The following MAP4K3 variants were observed in gnomAD, a reference collection of about 807,000 sequenced individuals.
MAP4K3 encodes the protein MAPK/ERK kinase kinase kinase 3.
A neutral mutation model predicts 143.5 loss-of-function variants in MAP4K3; 94 were observed. That is an observed-to-expected ratio of 0.65 (90% CI 0.55 to 0.78). MAP4K3 has a LOEUF of 0.78. Ranked by LOEUF, MAP4K3 falls within the 30% of genes least tolerant of loss-of-function variation. The probability of loss-of-function intolerance (pLI) is 0.00; values close to 1 mark genes in which losing one functional copy is unlikely to be tolerated. For missense variants in MAP4K3, 1,077 were observed against 1,068.1 expected (o/e 1.01, Z -0.12); for synonymous variants, 416 against 347.2 (o/e 1.20, Z -2.20).
intron 4 of MAP4K3, among the ~76,000 whole-genome samples, chr2:39,338,506 G>A (rs1176432302): frequency 6.6e-6 from 1 of 152,036 alleles, no homozygotes; most frequent in Non-Finnish European, 1.5e-5. Flanking sequence ...TATTTTAAAC[G>A]GACATTTTAT....
Position 39,322,812 on chromosome 2 carries a change from C to T in MAP4K3, c.918+2706G>A, listed in dbSNP as rs141827318. On this transcript the variant is annotated intron_variant, in intron 12 of 33. Transcript: ENST00000263881. ...AGCCCCCTGAATAGCTGGGATTACA[C>T]GCATGAGCCACCATGCCCGGCTAAT... Among the ~76,000 whole-genome samples the T allele has an allele frequency of 1.2e-3, 183 of 151,642 alleles. 3 individuals carry two copies. In the South Asian group the frequency reaches 0.017, roughly 14 times the overall value.
intron 1 of MAP4K3, among the ~76,000 whole-genome samples, chr2:39,410,041 C>T (rs1275852632): frequency 1.3e-5 from 2 of 152,180 alleles, no homozygotes; most frequent in Non-Finnish European, 1.5e-5. Context: ...TATGATTATG[C>T]CCAACATTTG....
intron 28 of MAP4K3, chr2:39,261,066 AC>A (rs1199442437): frequency 7.6e-6 from 2 of 264,596 alleles, no homozygotes; most frequent in Non-Finnish European, 1.4e-5. Flanking sequence ...GGGCCCAGGA[AC>A]TGGGTGACCA....
intron 24 of MAP4K3, 73 bp from the exon 25 acceptor site, chr2:39,272,615 C>A: frequency 5.9e-6 from 7 of 1,180,214 alleles, no homozygotes; most frequent in Non-Finnish European, 7.5e-6. Context: ...ACAGTAATCA[C>A]GTAAGCTGTC....
chr2:39,344,210 C>A (rs1056552277), intron 3 of MAP4K3, among the ~76,000 whole-genome samples: 2 of 152,118 alleles, frequency 1.3e-5, no homozygotes, highest in Non-Finnish European at 2.9e-5. Context: ...ATATTTGTTC[C>A]ATAAATGAAT....
At chr2:39,363,727 CTTGAT>C (rs1665836879) in intron 2 of MAP4K3, among the ~76,000 whole-genome samples, 1 of 148,374 alleles carries the variant, frequency 6.7e-6, no homozygotes, top group Admixed American at 6.7e-5. Flanking sequence ...TATGAAATAG[CTTGAT>C]TTGATCATTT....
At chr2:39,422,670 G>T (rs1667580062) in intron 1 of MAP4K3, among the ~76,000 whole-genome samples, 1 of 152,142 alleles carries the variant, frequency 6.6e-6, no homozygotes, top group Non-Finnish European at 1.5e-5. Flanking sequence ...GAAAAGGACG[G>T]TCTTTTCAAC....
intron 6 of MAP4K3, among the ~76,000 whole-genome samples, chr2:39,334,445 A>AG (rs1360515440): frequency 1.3e-5 from 1 of 74,564 alleles, no homozygotes; most frequent in Non-Finnish European, 4.6e-5. Context: ...GGGGTTGGGG[A>AG]GAAAAAAAAA....
intron 8 of MAP4K3, among the ~76,000 whole-genome samples, chr2:39,328,071 C>G (rs1409471119): frequency 1.3e-5 from 2 of 152,214 alleles, no homozygotes; most frequent in African/African-American, 4.8e-5. Flanking sequence ...TGGCTCACGC[C>G]TGTAATCCTA....
intron 29 of MAP4K3, among the ~76,000 whole-genome samples, chr2:39,260,307 G>T (rs1680515788): frequency 6.6e-6 from 1 of 151,926 alleles, no homozygotes; most frequent in Admixed American, 6.5e-5. Flanking sequence ...TTAGAGACAG[G>T]GTCTTGCTAC....
chr2:39,296,493 C>G (rs1373224677), intron 16 of MAP4K3, among the ~76,000 whole-genome samples: 2 of 152,090 alleles, frequency 1.3e-5, no homozygotes, highest in Non-Finnish European at 1.5e-5. Context: ...CTAAGACAAT[C>G]TAAAATGAGT....
chr2:39,308,150 C>CTG, intron 14 of MAP4K3, 145 bp from the exon 15 acceptor site: 1 of 450,554 alleles, frequency 2.2e-6, no homozygotes, highest in Non-Finnish European at 3.9e-6. Context: ...TATTAGGCAG[C>CTG]TTCTAAAAAA....
intron 2 of MAP4K3, among the ~76,000 whole-genome samples, chr2:39,368,991 T>C (rs925744982): frequency 5.9e-5 from 9 of 152,118 alleles, no homozygotes; most frequent in African/African-American, 1.9e-4. Flanking sequence ...TAAAATCTCA[T>C]GCAGTCACCC....
intron 2 of MAP4K3, among the ~76,000 whole-genome samples, chr2:39,368,368 T>C (rs1334495091): frequency 6.6e-6 from 1 of 152,154 alleles, no homozygotes; most frequent in Non-Finnish European, 1.5e-5. Context: ...CAATGACATA[T>C]TGTTTAAAAT....
chr2:39,361,047 T>C (rs1394403957), intron 2 of MAP4K3, among the ~76,000 whole-genome samples: 2 of 152,218 alleles, frequency 1.3e-5, no homozygotes, highest in African/African-American at 4.8e-5. Context: ...ACAGTGTCAC[T>C]ATTAAGGATA....
chr2:39,324,112 C>T (rs925657180), intron 12 of MAP4K3, among the ~76,000 whole-genome samples: 14 of 152,028 alleles, frequency 9.2e-5, no homozygotes, highest in Middle Eastern at 3.2e-3. Context: ...CAAATCAACA[C>T]CAAAAAACTT....
chr2:39,350,359 G>A (rs1665417877), intron 3 of MAP4K3, among the ~76,000 whole-genome samples: 2 of 152,294 alleles, frequency 1.3e-5, no homozygotes, highest in South Asian at 2.1e-4. Flanking sequence ...TGCCATGGCT[G>A]CGTTAAGATG....
At chr2:39,268,922 T>TA (rs1163706252) in intron 26 of MAP4K3, among the ~76,000 whole-genome samples, 1 of 151,990 alleles carries the variant, frequency 6.6e-6, no homozygotes, top group African/African-American at 2.4e-5. Flanking sequence ...CTCTTTTTTT[T>TA]AAAAAAATAA....
At chr2:39,381,088 C>T (rs1666345190) in intron 1 of MAP4K3, among the ~76,000 whole-genome samples, 1 of 152,152 alleles carries the variant, frequency 6.6e-6, no homozygotes, top group Non-Finnish European at 1.5e-5. Context: ...CTTTGTGACT[C>T]TGGTTTCTTG....
Sources: allele counts gnomAD v4.1 joint callset (sites outside exome capture counted in the v4.1 genomes callset), GRCh38; gene constraint gnomAD v4.1.1; transcripts MANE v1.5; gene names NCBI Gene and HGNC (gene_info 2026-07-23, HGNC 2026-07-21).